The following TENM2 variants were observed in gnomAD, a reference collection of about 807,000 sequenced individuals.
The protein encoded by TENM2 is teneurin transmembrane protein 2.
TENM2 carries 52 observed loss-of-function variants against 245.2 expected under a neutral mutation model. That is an observed-to-expected ratio of 0.21 (90% confidence interval 0.17 to 0.27). The LOEUF (loss-of-function observed/expected upper bound fraction) is 0.27. TENM2 is among the 10% of genes least tolerant of loss of function. The pLI, the probability that TENM2 is intolerant of heterozygous loss-of-function variation, is 1.00. For synonymous variants in TENM2, 1,363 were observed against 1,438.9 expected (o/e 0.95, Z 1.19); for missense variants, 3,046 against 3,666.8 (o/e 0.83, Z 4.37).
At chr5:167,144,161 A>AC in the TENM2 span, among the ~76,000 whole-genome samples, 1 of 152,172 alleles carries the variant, frequency 6.6e-6, no homozygotes, top group Admixed American at 6.5e-5. Context: ...AATTTTGAAA[A>AC]AAAAAAATTG....
chr5:167,844,079 C>T (rs1769806109), intron 2 of TENM2, among the ~76,000 whole-genome samples: 1 of 152,146 alleles, frequency 6.6e-6, no homozygotes, highest in Non-Finnish European at 1.5e-5. Context: ...GCTTAGTTTG[C>T]TCAGTGTCCA....
intron 2 of TENM2, among the ~76,000 whole-genome samples, chr5:167,670,842 A>G (rs1189940965): frequency 2.0e-5 from 3 of 152,110 alleles, no homozygotes; most frequent in East Asian, 3.9e-4. Flanking sequence ...CCTCCTTGCC[A>G]TTTTTCCTTC....
At chr5:168,211,396 C>G (rs1393079140) in intron 19 of TENM2, among the ~76,000 whole-genome samples, 3 of 152,252 alleles carry the variant, frequency 2.0e-5, no homozygotes, top group Non-Finnish European at 4.4e-5. Flanking sequence ...CCATTACTGG[C>G]CAACACATGT....
chr5:167,688,240 G>A (rs1047889230), intron 2 of TENM2, among the ~76,000 whole-genome samples: 21 of 152,166 alleles, frequency 1.4e-4, no homozygotes, highest in African/African-American at 5.1e-4. Context: ...TTTTGAAACA[G>A]CAATGGCGTG....
At chr5:167,912,251 G>A (rs747248887) in intron 3 of TENM2, among the ~76,000 whole-genome samples, 21 of 151,900 alleles carry the variant, frequency 1.4e-4, no homozygotes, top group Admixed American at 9.2e-4. Context: ...GGTGGTATTC[G>A]TCTTTCTGTG....
At chr5:167,189,038 T>C in the TENM2 span, among the ~76,000 whole-genome samples, 1 of 152,188 alleles carries the variant, frequency 6.6e-6, no homozygotes, top group African/African-American at 2.4e-5. Flanking sequence ...TTCATTTTCA[T>C]GTATGCAGTA....
intron 22 of TENM2, among the ~76,000 whole-genome samples, chr5:168,217,657 C>T (rs746340133): frequency 6.6e-6 from 1 of 152,168 alleles, no homozygotes; most frequent in Non-Finnish European, 1.5e-5. Context: ...ACTTTGGCTC[C>T]CCTTGGATCA....
chr5:168,099,071 G>A (rs561475487), intron 9 of TENM2, among the ~76,000 whole-genome samples: 2 of 151,822 alleles, frequency 1.3e-5, no homozygotes, highest in South Asian at 2.1e-4. Context: ...CACCACACCC[G>A]GCTAATTTTT....
chr5:167,617,889 C>T (rs1445817198), intron 2 of TENM2, among the ~76,000 whole-genome samples: 1 of 152,152 alleles, frequency 6.6e-6, no homozygotes, highest in African/African-American at 2.4e-5. Flanking sequence ...TAATTTTGCT[C>T]ACATATGAAT....
intron 12 of TENM2, among the ~76,000 whole-genome samples, chr5:168,148,370 C>T (rs554519173): frequency 1.3e-5 from 2 of 152,164 alleles, no homozygotes; most frequent in Non-Finnish European, 2.9e-5. Flanking sequence ...ATTCTGAATA[C>T]CATTGTACAA....
At chr5:167,888,343 A>G (rs1311738048) in intron 3 of TENM2, among the ~76,000 whole-genome samples, 4 of 152,208 alleles carry the variant, frequency 2.6e-5, no homozygotes, top group African/African-American at 4.8e-5. Flanking sequence ...ATTTCGTTCT[A>G]TGCATTTAGC....
chr5:167,691,344 G>GA (rs1186225555), intron 2 of TENM2, among the ~76,000 whole-genome samples: 1 of 152,044 alleles, frequency 6.6e-6, no homozygotes, highest in Non-Finnish European at 1.5e-5. Context: ...CTCATGAGTA[G>GA]AAAAAAATAA....
chr5:166,979,188 C>CCACCACCAGCAGCAGCAGCAGCAGCAG, the TENM2 span, among the ~76,000 whole-genome samples: 1 of 97,550 alleles, frequency 1.0e-5, no homozygotes, highest in Non-Finnish European at 2.1e-5. Flanking sequence ...AGCAGCAGCA[C>CCACCACCAGCAGCAGCAGCAGCAGCAG]CACCACCAGC....
At chr5:167,491,907 C>A (rs1768450584) in intron 2 of TENM2, among the ~76,000 whole-genome samples, 1 of 151,994 alleles carries the variant, frequency 6.6e-6, no homozygotes, top group South Asian at 2.1e-4. Flanking sequence ...ATAGCCATGG[C>A]AATATTATCT....
chr5:167,647,015 C>G (rs1042257457), intron 2 of TENM2, among the ~76,000 whole-genome samples: 1 of 152,038 alleles, frequency 6.6e-6, no homozygotes, highest in African/African-American at 2.4e-5. Context: ...TTGTTTATTT[C>G]TTGTAGGTAA....
At chr5:167,055,360 A>T in the TENM2 span, among the ~76,000 whole-genome samples, 11 of 152,036 alleles carry the variant, frequency 7.2e-5, no homozygotes, top group African/African-American at 2.7e-4. Flanking sequence ...TATGTACATG[A>T]GTCTCTGTCT....
intron 20 of TENM2, among the ~76,000 whole-genome samples, chr5:168,212,855 G>A (rs978849708): frequency 1.3e-5 from 2 of 152,138 alleles, no homozygotes; most frequent in African/African-American, 2.4e-5. Flanking sequence ...CAAGCATCTT[G>A]GTGAAAACAG....
At position 167,801,748 on chromosome 5, in the gene TENM2, G is replaced by C. The variant is rs568611606; in HGVS notation, c.503-74238G>C. ...GGCTCATATTTGATTTGTATGTATG[G>C]ACTGGTAGAGATATGACACTTGGGT... On this transcript the variant is annotated intron_variant, in intron 2 of 28. Transcript: ENST00000518659. 3.3e-5 allele frequency among the ~76,000 whole-genome samples: 5 copies of C among 152,206 alleles called. No homozygotes were observed. In the East Asian group the frequency reaches 9.7e-4, roughly 29 times the overall value.
At chr5:167,968,833 C>T (rs978818468) in intron 4 of TENM2, among the ~76,000 whole-genome samples, 1 of 152,140 alleles carries the variant, frequency 6.6e-6, no homozygotes, top group African/African-American at 2.4e-5. Context: ...CTCCCCCATC[C>T]CCACTCTCAC....
Sources: gnomAD v4.1 joint callset for allele counts (sites outside exome capture counted in the v4.1 genomes callset) on GRCh38, gnomAD v4.1.1 for gene constraint, MANE v1.5 for transcripts, NCBI Gene and HGNC (gene_info 2026-07-23, HGNC 2026-07-21) for gene names.